The following SMARCD2 variants were observed in gnomAD, a reference collection of about 807,000 sequenced individuals.
SMARCD2 encodes SWI/SNF related BAF chromatin remodeling complex subunit D2, also known as SWI/SNF-related matrix-associated actin-dependent regulator of chromatin subfamily D member 2.
A neutral mutation model predicts 70.4 loss-of-function variants in SMARCD2; 39 were observed. That is an observed-to-expected ratio of 0.55 (90% CI 0.43 to 0.72). The LOEUF is 0.72. Ranked by LOEUF, SMARCD2 falls within the 30% of genes least tolerant of loss-of-function variation. The pLI, the probability that SMARCD2 is intolerant of heterozygous loss-of-function variation, is 0.00. For missense variants in SMARCD2, 540 were observed against 713.4 expected (o/e 0.76, Z 2.77); for synonymous variants, 249 against 279.4 (o/e 0.89, Z 1.08).
In SMARCD2 at chr17:63,837,243, G is replaced by A. The variant is rs1044997978; in HGVS notation, c.402-6C>T. 1.9e-6 allele frequency: 3 copies of A among 1,613,672 alleles called. No homozygotes were observed. The highest frequency in any genetic ancestry group is 2.5e-6 in the Non-Finnish European group (3 of 1,179,738). On this transcript the variant is annotated splice_region_variant and splice_polypyrimidine_tract_variant and intron_variant, in intron 2 of 12. Transcript: ENST00000448276. The surrounding 1 kb of genome is among the most constrained non-coding windows in gnomAD (Gnocchi z 6.4). Reference sequence around the variant, plus strand: ...CCATCTTCCTCCTCTTTAACCTGGGGAGGACAGAAACCCACTTAAGAGGTC... The same window carrying A: ...CCATCTTCCTCCTCTTTAACCTGGGAAGGACAGAAACCCACTTAAGAGGTC...
At chr17:63,836,359 G>A (rs548515333) in intron 4 of SMARCD2, among the ~76,000 whole-genome samples, 3 of 152,006 alleles carry the variant, frequency 2.0e-5, no homozygotes, top group South Asian at 2.1e-4. Context: ...TTAGCCGGGC[G>A]TGGTGACAGG....
rs1442358232 is a variant in SMARCD2 at position 63,834,171 on chromosome 17, C to T, written c.1079G>A (p.Arg360His). 9 of 1,607,782 alleles carry T rather than the reference C, an allele frequency of 5.6e-6. No individual in the cohort carries two copies. Among genetic ancestry groups the T allele is most frequent in the South Asian group, 3.3e-5 (3 of 90,350 alleles). ...REYINCNRYF[R>H]QIFSCGRLRF... ...GGGGGCTGGCATCTGGCTAACCTGG[C>T]GGAAGTAACGGTTGCAGTTGATGTA... The change falls in exon 8 of 13, where the codon CGC (arginine) becomes CAC (histidine). Residue 360 changes from arginine to histidine, a missense_variant. Physicochemically the swap from Arg to His is conservative, Grantham distance 29 (BLOSUM62 0). Coordinates refer to ENST00000448276, the MANE Select transcript of SMARCD2 (RefSeq NM_001098426.2). This position sits in a 1 kb window ranked among gnomAD's most constrained non-coding sequence, Gnocchi z 5.6.
rs1012702590 is a variant in SMARCD2, at chr17:63,837,737, C to G, written c.217-112G>C. The G allele has an allele frequency of 2.4e-5, 20 of 831,278 alleles. No individual in the cohort carries two copies. The highest frequency in any genetic ancestry group is 3.5e-5 in the African/African-American group (2 of 57,962). The allele number at this position is 831,278 out of a possible 1,614,324, so 51.5% of individuals were successfully genotyped here. On this transcript the variant is annotated intron_variant, in intron 1 of 12. Coordinates refer to ENST00000448276, the MANE Select transcript of SMARCD2 (RefSeq NM_001098426.2). The surrounding 1 kb of genome is among the most constrained non-coding windows in gnomAD (Gnocchi z 6.4). ...GCCAGGTAGGGCCTGAGCAGCACAC[C>G]AGAGCCCTGCTGGAGCCCCAGGAAC...
Position 63,834,270 on chromosome 17 carries a change from G to A in SMARCD2, c.980C>T (p.Thr327Met). Residue 327 changes from threonine (T) to methionine (M), a missense_variant, in exon 8 of 13, where the codon ACG becomes ATG. By Grantham distance (81) the Thr-to-Met change is moderately conservative. Transcript: ENST00000448276. The surrounding 1 kb of genome is among the most constrained non-coding windows in gnomAD (Gnocchi z 5.6). ...CAGGGCCTGCATGATGGCGGCCCTCGTCTGCGTGTGCACTCCCAGCAGCCT... is the reference window on the plus strand; with the variant it reads ...CAGGGCCTGCATGATGGCGGCCCTCATCTGCGTGTGCACTCCCAGCAGCCT... ...LARLLGVHTQ[T>M]RAAIMQALWL... 2.5e-6 allele frequency: 4 copies of A among 1,611,278 alleles called. No homozygotes were observed. The highest frequency in any genetic ancestry group is 1.1e-5 in the South Asian group (1 of 90,564).
Position 63,837,695 on chromosome 17 carries a change from C to A in SMARCD2, c.217-70G>T. The A allele has an allele frequency of 7.8e-7, 1 of 1,289,494 alleles. No homozygotes were observed. The highest frequency in any genetic ancestry group is 2.5e-5 in the East Asian group (1 of 40,210). 79.9% of individuals were successfully genotyped at this position (1,289,494 alleles called of 1,614,324 possible). A position where few individuals can be genotyped will look rare whatever the true frequency, so the allele number is the denominator to read the frequency against. On this transcript the variant is annotated intron_variant, in intron 1 of 12. Coordinates refer to ENST00000448276, the MANE Select transcript of SMARCD2 (RefSeq NM_001098426.2). The surrounding 1 kb of genome is among the most constrained non-coding windows in gnomAD (Gnocchi z 6.4). ...CCCTCCGGGACCCATAGCCCATGCC[C>A]TCCATCCCTCTCGTCAGCCAGGTAG...
Position 63,834,549 on chromosome 17 carries a change from C to A in SMARCD2, c.846G>T (p.Glu282Asp). The change falls in exon 7 of 13, where the codon GAG (glutamate) becomes GAT (aspartate). Residue 282 changes from glutamate (E) to aspartate (D), a missense_variant. Physicochemically the swap from Glu to Asp is conservative, Grantham distance 45 (BLOSUM62 2). Transcript: ENST00000448276. The surrounding 1 kb of genome is among the most constrained non-coding windows in gnomAD (Gnocchi z 5.6). ...GCCGTTTTACTTGGAAGCCATCTGTCTCCTGGGTGGTGGGCATCCGGTGCC... is the reference window on the plus strand; with the variant it reads ...GCCGTTTTACTTGGAAGCCATCTGTATCCTGGGTGGTGGGCATCCGGTGCC... Reference protein sequence around the residue: ...VEWHRMPTTQETDGFQVKRPG... With the variant: ...VEWHRMPTTQDTDGFQVKRPG... 2 of 1,607,742 alleles carry A rather than the reference C, an allele frequency of 1.2e-6. No individual in the cohort carries two copies. Among genetic ancestry groups the A allele is most frequent in the South Asian group, 1.1e-5 (1 of 90,716 alleles).
At chr17:63,836,847 C>T in intron 4 of SMARCD2, 75 bp downstream of exon 4, 1 of 1,510,104 alleles carries the variant, frequency 6.6e-7, no homozygotes, top group Non-Finnish European at 9.1e-7. Context: ...GCCCAACTTG[C>T]TTGGCCCCTG....
intron 1 of SMARCD2, among the ~76,000 whole-genome samples, chr17:63,841,210 ACT>A (rs1396668186): frequency 6.6e-6 from 1 of 151,932 alleles, no homozygotes; most frequent in Non-Finnish European, 1.5e-5. Flanking sequence ...CCATACCCAG[ACT>A]CTCTTTTCTC....
intron 4 of SMARCD2, among the ~76,000 whole-genome samples, chr17:63,836,325 A>G (rs1460296829): frequency 4.0e-5 from 6 of 151,896 alleles, no homozygotes; most frequent in Non-Finnish European, 7.4e-5. Flanking sequence ...CCTGGGTAAC[A>G]TGGCGATACT....
chr17:63,832,944 C>G lies in SMARCD2; in HGVS notation c.1590G>C (p.Leu530=), dbSNP rs1403220177. ...AAGAAAGATCCCTGAGCAGTTAGGTCAGGCGAATTCCCAGCACCTGTTCCA... is the reference window on the plus strand; with the variant it reads ...AAGAAAGATCCCTGAGCAGTTAGGTGAGGCGAATTCCCAGCACCTGTTCCA... ...QELEQVLGIR[L]T The change falls in exon 13 of 13, where the codon CTG becomes CTC. Residue 530 remains leucine, a synonymous_variant. Transcript: ENST00000448276. 1.3e-6 allele frequency: 2 copies of G among 1,566,640 alleles called. No homozygotes were observed. The highest frequency in any genetic ancestry group is 1.7e-6 in the Non-Finnish European group (2 of 1,157,136).
chr17:63,832,871 C>G lies in SMARCD2; in HGVS notation c.*67G>C. ...TCACCCCAGCCTACGTGTCTGCGGC[C>G]CCAGCAAGGACCCAGAGGGTGGTCT... On this transcript the variant is annotated 3_prime_UTR_variant, in exon 13 of 13. Coordinates refer to ENST00000448276, the MANE Select transcript of SMARCD2 (RefSeq NM_001098426.2). The G allele has an allele frequency of 7.0e-7, 1 of 1,418,468 alleles. No homozygotes were observed. Among genetic ancestry groups the G allele is most frequent in the South Asian group, 1.2e-5 (1 of 81,350 alleles). 87.9% of individuals were successfully genotyped at this position (1,418,468 alleles called of 1,614,324 possible).
chr17:63,836,076 G>C (rs1463614691), intron 4 of SMARCD2, among the ~76,000 whole-genome samples: 2 of 152,052 alleles, frequency 1.3e-5, no homozygotes, highest in African/African-American at 4.8e-5. Context: ...AACAATGCCA[G>C]CACAGTGGGA....
At chr17:63,841,761 A>C (rs1288815865) in intron 1 of SMARCD2, among the ~76,000 whole-genome samples, 2 of 152,200 alleles carry the variant, frequency 1.3e-5, no homozygotes, top group Non-Finnish European at 2.9e-5. Context: ...CAACTCCCGG[A>C]CACGATGACA....
Position 63,841,157 on chromosome 17 carries a change from G to C in SMARCD2, c.216+1302C>G, listed in dbSNP as rs146639289. Among the ~76,000 whole-genome samples the C allele has an allele frequency of 5.3e-3, 814 of 152,350 alleles. 5 individuals carry two copies. Among genetic ancestry groups the C allele is most frequent in the African/African-American group, 0.018 (744 of 41,584 alleles). Reference sequence around the variant, plus strand: ...CCAACGGGGACAGCAAGGTGGGAGAGATGAGCCCCAGCTGGAATCCCTGGG... The same window carrying C: ...CCAACGGGGACAGCAAGGTGGGAGACATGAGCCCCAGCTGGAATCCCTGGG... On this transcript the variant is annotated intron_variant, in intron 1 of 12. Transcript: ENST00000448276.
At position 63,832,929 on chromosome 17, in the gene SMARCD2, C is replaced by A; in HGVS notation, c.*9G>T. 6.4e-7 allele frequency: 1 copy of A among 1,558,758 alleles called. No homozygotes were observed. The highest frequency in any genetic ancestry group is 8.7e-7 in the Non-Finnish European group (1 of 1,152,490). On this transcript the variant is annotated 3_prime_UTR_variant, in exon 13 of 13. Transcript: ENST00000448276. ...GGCTCCAGGGCTGGGAAGAAAGATCCCTGAGCAGTTAGGTCAGGCGAATTC... is the reference window on the plus strand; with the variant it reads ...GGCTCCAGGGCTGGGAAGAAAGATCACTGAGCAGTTAGGTCAGGCGAATTC...
At chr17:63,836,498 C>CGGAAA (rs1214342690) in intron 4 of SMARCD2, among the ~76,000 whole-genome samples, 5 of 98,222 alleles carry the variant, frequency 5.1e-5, no homozygotes, top group South Asian at 3.3e-4. Context: ...GACTCCATCT[C>CGGAAA]AGAAAAAAAA....
At chr17:63,836,657 T>C (rs1373763532) in intron 4 of SMARCD2, 2 of 363,406 alleles carry the variant, frequency 5.5e-6, no homozygotes, top group Admixed American at 8.2e-5. Context: ...TGCATATCTA[T>C]TTATCAGAAA....
chr17:63,841,087 G>A (rs982573639), intron 1 of SMARCD2, among the ~76,000 whole-genome samples: 2 of 152,264 alleles, frequency 1.3e-5, no homozygotes, highest in Non-Finnish European at 2.9e-5. Context: ...GGGCTACAAT[G>A]AATGATGCAG....
Position 63,832,263 on chromosome 17 carries a change from G to C in SMARCD2, c.*675C>G. ...TACCTCAGGCCATGCTAGAGAACTG[G>C]AGTGTCCCCTCCCCGGCCCAAGCCG... On this transcript the variant is annotated 3_prime_UTR_variant, in exon 13 of 13. Transcript: ENST00000448276. 1 of 450,018 alleles carries C rather than the reference G, an allele frequency of 2.2e-6. No individual in the cohort carries two copies. The highest frequency in any genetic ancestry group is 4.0e-6 in the Non-Finnish European group (1 of 247,266). The allele number at this position is 450,018 out of a possible 1,614,324, so 27.9% of individuals were successfully genotyped here.
Sources: allele counts gnomAD v4.1 joint callset (sites outside exome capture counted in the v4.1 genomes callset), GRCh38; gene constraint gnomAD v4.1.1; non-coding constraint Gnocchi (gnomAD v3.1); transcripts MANE v1.5; gene names NCBI Gene and HGNC (gene_info 2026-07-23, HGNC 2026-07-21).